The following PTPN9 variants were observed in gnomAD, a reference collection of about 807,000 sequenced individuals.
PTPN9 encodes tyrosine-protein phosphatase non-receptor type 9.
Under a neutral mutation model 69.8 loss-of-function variants are expected in PTPN9, and 26 were observed. The ratio of observed to expected loss-of-function variants is 0.37; its 90% CI spans 0.27 to 0.52. PTPN9 has a LOEUF of 0.52. PTPN9 is among the 20% of genes least tolerant of loss of function. The pLI is 0.91. For synonymous variants in PTPN9, 274 were observed against 272.5 expected (o/e 1.01, Z -0.05); for missense variants, 549 against 740.3 (o/e 0.74, Z 3.00).
chr15:75,558,579 G>T (rs998376448), intron 1 of PTPN9, among the ~76,000 whole-genome samples: 3 of 152,140 alleles, frequency 2.0e-5, no homozygotes, highest in African/African-American at 7.2e-5. Flanking sequence ...CTGACGCCGA[G>T]CCGAAGCTGG....
At chr15:75,521,515 C>T (rs1006326147) in intron 4 of PTPN9, among the ~76,000 whole-genome samples, 1 of 151,046 alleles carries the variant, frequency 6.6e-6, no homozygotes, top group African/African-American at 2.4e-5. Flanking sequence ...CAGAAAACAC[C>T]AAGAAGTTTA....
chr15:75,547,342 T>G (rs2075037892), intron 1 of PTPN9, among the ~76,000 whole-genome samples: 1 of 143,402 alleles, frequency 7.0e-6, no homozygotes, highest in African/African-American at 2.6e-5. Flanking sequence ...CTCACACCGG[T>G]AATCCCAGCA....
rs577581925 is a variant in PTPN9, at chr15:75,571,089, G to A, written c.63+7625C>T. Reference sequence around the variant, plus strand: ...AGCCTGGCCAACATGGCGAAACCCCGTCTCTACTAAAAATACAAAAATTAG... The same window carrying A: ...AGCCTGGCCAACATGGCGAAACCCCATCTCTACTAAAAATACAAAAATTAG... On this transcript the variant is annotated intron_variant, in intron 1 of 12. Transcript: ENST00000618819. 7.2e-5 allele frequency among the ~76,000 whole-genome samples: 11 copies of A among 151,788 alleles called. No homozygotes were observed. The East Asian group carries it at 9.8e-4, about 13-fold the overall frequency.
At chr15:75,486,781 GTT>G (rs34430924) in intron 8 of PTPN9, among the ~76,000 whole-genome samples, 29 of 118,512 alleles carry the variant, frequency 2.4e-4, no homozygotes, top group African/African-American at 5.8e-4. Flanking sequence ...CATATGTGGT[GTT>G]TTTTTTTTTT....
At chr15:75,528,825 C>T (rs1030472256) in intron 1 of PTPN9, among the ~76,000 whole-genome samples, 1 of 151,896 alleles carries the variant, frequency 6.6e-6, no homozygotes, top group African/African-American at 2.4e-5. Context: ...CCCCGCCTTC[C>T]GAGTAGCTGT....
intron 7 of PTPN9, among the ~76,000 whole-genome samples, chr15:75,501,432 C>CT (rs370267107): frequency 1.5e-3 from 185 of 125,342 alleles, no homozygotes; most frequent in African/African-American, 1.4e-3. Context: ...CATTTTCTTT[C>CT]TTTTTTTTTT....
At chr15:75,503,855 A>T (rs1483285147) in intron 7 of PTPN9, among the ~76,000 whole-genome samples, 1 of 45,580 alleles carries the variant, frequency 2.2e-5, no homozygotes, top group Non-Finnish European at 4.2e-5. Flanking sequence ...GAGGGAGGTG[A>T]GGGGGGGTCA....
chr15:75,510,641 C>CT lies in PTPN9; in HGVS notation c.529-1615dup, dbSNP rs201005354. Among the ~76,000 whole-genome samples, 891 of 142,152 alleles carry CT rather than the reference C, an allele frequency of 6.3e-3. 2 individuals are homozygous for CT. The highest frequency in any genetic ancestry group is 0.015 in the East Asian group (75 of 4,928). The allele number at this position is 142,152 out of a possible 152,430, so 93.3% of individuals were successfully genotyped here. A position where few individuals can be genotyped will look rare whatever the true frequency, so the allele number is the denominator to read the frequency against. On this transcript the variant is annotated intron_variant, in intron 5 of 12. Transcript: ENST00000618819. ...TTCTATTTTAATGTCAGAAAAAGTA[C>CT]TTTTTTTTTTTTTTACTGCTGTACC... is the stretch of plus-strand genomic sequence containing the variant.
intron 9 of PTPN9, among the ~76,000 whole-genome samples, chr15:75,478,350 C>G (rs1374549654): frequency 6.6e-6 from 1 of 152,204 alleles, no homozygotes; most frequent in Admixed American, 6.5e-5. Context: ...GTTTATCCAC[C>G]TGCCTCGGCC....
intron 7 of PTPN9, among the ~76,000 whole-genome samples, chr15:75,504,642 G>T (rs1288822951): frequency 1.4e-5 from 2 of 142,216 alleles, no homozygotes; most frequent in East Asian, 4.5e-4. Flanking sequence ...AGGGAGGTGG[G>T]GGGGTCAGCC....
chr15:75,530,546 T>A (rs1222006403), intron 1 of PTPN9, among the ~76,000 whole-genome samples: 1 of 24,964 alleles, frequency 4.0e-5, no homozygotes, highest in Admixed American at 6.7e-4. Flanking sequence ...ATTATTATAT[T>A]ATAATATATT....
intron 9 of PTPN9, among the ~76,000 whole-genome samples, chr15:75,474,555 T>C (rs975939179): frequency 1.3e-5 from 2 of 152,138 alleles, no homozygotes; most frequent in African/African-American, 4.8e-5. Context: ...TGCAACTTTC[T>C]TATCTCTGTT....
intron 1 of PTPN9, among the ~76,000 whole-genome samples, chr15:75,557,133 T>C (rs1230698314): frequency 6.6e-6 from 1 of 152,158 alleles, no homozygotes; most frequent in Non-Finnish European, 1.5e-5. Context: ...CTATTGAGAA[T>C]AGTGCTGCTG....
In PTPN9 at chr15:75,514,065, C is replaced by T. The variant is rs553649551; in HGVS notation, c.528+3194G>A. Among the ~76,000 whole-genome samples, 373 of 142,692 alleles carry T rather than the reference C, an allele frequency of 2.6e-3. 1 individual carries two copies. The highest frequency in any genetic ancestry group is 9.4e-3 in the African/African-American group (355 of 37,620). The allele number at this position is 142,692 out of a possible 152,430, so 93.6% of individuals were successfully genotyped here. A position where few individuals can be genotyped will look rare whatever the true frequency, so the allele number is the denominator to read the frequency against. Reference sequence around the variant, plus strand: ...AGTGAGCCGAGATAGCACCACTGCACTGCATCCTGGGCAAAAGAGTGAAAC... The same window carrying T: ...AGTGAGCCGAGATAGCACCACTGCATTGCATCCTGGGCAAAAGAGTGAAAC... On this transcript the variant is annotated intron_variant, in intron 5 of 12. Transcript: ENST00000618819.
At chr15:75,470,907 T>G (rs536754982) in intron 10 of PTPN9, 77 bp from the exon 11 acceptor site, 2 of 1,535,256 alleles carry the variant, frequency 1.3e-6, no homozygotes, top group East Asian at 4.5e-5. Flanking sequence ...AAAGACCTGA[T>G]ATACCCCCAG....
chr15:75,529,425 T>C (rs1595961927), intron 1 of PTPN9, among the ~76,000 whole-genome samples: 1 of 152,140 alleles, frequency 6.6e-6, no homozygotes, highest in African/African-American at 2.4e-5. Flanking sequence ...TAACCATACC[T>C]CTATTCCCAA....
At chr15:75,541,431 G>C (rs141064355) in intron 1 of PTPN9, among the ~76,000 whole-genome samples, 136 of 143,256 alleles carry the variant, frequency 9.5e-4, no homozygotes, top group African/African-American at 3.4e-3. Flanking sequence ...TTTTGAGACA[G>C]AGTCTCGCTC....
At chr15:75,534,339 T>C (rs897415026) in intron 1 of PTPN9, among the ~76,000 whole-genome samples, 3 of 152,156 alleles carry the variant, frequency 2.0e-5, no homozygotes, top group Non-Finnish European at 4.4e-5. Flanking sequence ...CAATGCAATC[T>C]CTCTAATCCA....
At chr15:75,489,744 G>A (rs2074698861) in intron 8 of PTPN9, among the ~76,000 whole-genome samples, 1 of 152,146 alleles carries the variant, frequency 6.6e-6, no homozygotes, top group African/African-American at 2.4e-5. Flanking sequence ...AAATAATATA[G>A]TCATTTGACC....
Sources: allele counts gnomAD v4.1 joint callset (sites outside exome capture counted in the v4.1 genomes callset), GRCh38; gene constraint gnomAD v4.1.1; transcripts MANE v1.5; gene names NCBI Gene and HGNC (gene_info 2026-07-23, HGNC 2026-07-21).